ZMAT5: variants seen among roughly 807,000 people sequenced by gnomAD.
ZMAT5 encodes the protein zinc finger matrin-type protein 5.
Under a neutral mutation model 28.0 loss-of-function variants are expected in ZMAT5, and 23 were observed. That is an observed-to-expected ratio of 0.82 (90% CI 0.59 to 1.16). ZMAT5 has a LOEUF of 1.16. Ranked by LOEUF, ZMAT5 falls within the 50% of genes most tolerant of loss-of-function variation. The probability of loss-of-function intolerance (pLI) is 0.00; values close to 1 mark genes in which losing one functional copy is unlikely to be tolerated. For missense variants in ZMAT5, 173 were observed against 212.7 expected, an observed-to-expected ratio of 0.81 and a Z score of 1.16; for synonymous variants, 76 against 84.1, an observed-to-expected ratio of 0.90 and a Z score of 0.52.
chr22:29,733,834 G>C (rs9620921), intron 5 of ZMAT5, among the ~76,000 whole-genome samples: 1 of 152,198 alleles, frequency 6.6e-6, no homozygotes, highest in Non-Finnish European at 1.5e-5. Flanking sequence ...CTGAGGTCCC[G>C]CCAGTAGACA....
chr22:29,752,370 C>T (rs989708566), intron 1 of ZMAT5, among the ~76,000 whole-genome samples: 2 of 152,168 alleles, frequency 1.3e-5, no homozygotes, highest in Non-Finnish European at 2.9e-5. Flanking sequence ...TCCCCCCTCT[C>T]TCTCACCCCC....
chr22:29,759,211 G>A (rs190584988), intron 1 of ZMAT5, among the ~76,000 whole-genome samples: 2 of 152,162 alleles, frequency 1.3e-5, no homozygotes, highest in African/African-American at 4.8e-5. Flanking sequence ...AAAATAGTCT[G>A]AATGAGGCTC....
At chr22:29,740,513 G>C in intron 4 of ZMAT5, 137 bp downstream of exon 4, 1 of 868,152 alleles carries the variant, frequency 1.2e-6, no homozygotes, top group Non-Finnish European at 1.8e-6. Flanking sequence ...CGGGGGCTCA[G>C]GGCTCCGCAT....
chr22:29,732,112 C>A (rs1197364588), intron 5 of ZMAT5, among the ~76,000 whole-genome samples: 1 of 152,218 alleles, frequency 6.6e-6, no homozygotes, highest in Non-Finnish European at 1.5e-5. Context: ...CCAGCGATGG[C>A]CCCCCAACCA....
chr22:29,739,549 G>A (rs930565926), intron 4 of ZMAT5, among the ~76,000 whole-genome samples: 9 of 152,210 alleles, frequency 5.9e-5, no homozygotes, highest in African/African-American at 1.7e-4. Flanking sequence ...TACAGAGGAC[G>A]TGGCAGAGCT....
intron 5 of ZMAT5, among the ~76,000 whole-genome samples, chr22:29,734,153 G>A (rs2067881505): frequency 1.3e-5 from 2 of 152,240 alleles, no homozygotes; most frequent in African/African-American, 4.8e-5. Context: ...GGGCAGCAGG[G>A]CCAGGCCTGG....
chr22:29,748,555 A>G lies in ZMAT5; in HGVS notation c.-11T>C. 6.2e-7 allele frequency: 1 copy of G among 1,614,068 alleles called. No homozygotes were observed. The highest frequency in any genetic ancestry group is 8.5e-7 in the Non-Finnish European group (1 of 1,180,028). On this transcript the variant is annotated 5_prime_UTR_variant, in exon 2 of 6. Coordinates refer to ENST00000344318, the MANE Select transcript of ZMAT5 (RefSeq NM_001003692.2). ...GTATCGCTTCCCCATGGCCACTCAG[A>G]GCAGGTGCTTTGCTGCCTGGGAAGC...
intron 5 of ZMAT5, among the ~76,000 whole-genome samples, chr22:29,735,908 G>A (rs3788417): frequency 0.16 from 23,844 of 152,172 alleles, 2,350 homozygotes; most frequent in Non-Finnish European, 0.22. Flanking sequence ...AGGACTCTGG[G>A]GCACCCCATC....
intron 1 of ZMAT5, among the ~76,000 whole-genome samples, chr22:29,760,943 T>C (rs1256960251): frequency 2.6e-5 from 4 of 152,156 alleles, no homozygotes; most frequent in African/African-American, 9.7e-5. Context: ...AATGTTCCTA[T>C]CCTAAATTTA....
chr22:29,731,038 T>G lies in ZMAT5; in HGVS notation c.*187A>C. 4 of 494,800 alleles carry G rather than the reference T, an allele frequency of 8.1e-6. No individual in the cohort carries two copies. Among genetic ancestry groups the G allele is most frequent in the East Asian group, 3.2e-5 (1 of 30,938 alleles). 30.7% of individuals were successfully genotyped at this position (494,800 alleles called of 1,614,324 possible). On this transcript the variant is annotated 3_prime_UTR_variant, in exon 6 of 6. Coordinates refer to ENST00000344318, the MANE Select transcript of ZMAT5 (RefSeq NM_001003692.2). Reference sequence around the variant, plus strand: ...AAGCAGGGGGGCAGGTGGAGGAGAGTGAGGGGAGAGCTGCCCGGTGCAGAC... The same window carrying G: ...AAGCAGGGGGGCAGGTGGAGGAGAGGGAGGGGAGAGCTGCCCGGTGCAGAC...
intron 4 of ZMAT5, among the ~76,000 whole-genome samples, chr22:29,739,805 T>C (rs1215181516): frequency 6.6e-6 from 1 of 152,210 alleles, no homozygotes; most frequent in African/African-American, 2.4e-5. Context: ...CTGGAAACCC[T>C]GTGTTGGTCC....
chr22:29,760,630 C>A (rs947639593), intron 1 of ZMAT5, among the ~76,000 whole-genome samples: 3 of 152,278 alleles, frequency 2.0e-5, no homozygotes, highest in African/African-American at 7.2e-5. Flanking sequence ...TTTTAACTAG[C>A]AAGTCTAATA....
rs545562428 is a variant in ZMAT5 at position 29,759,213 on chromosome 22, A to G, written c.-28+7659T>C. On this transcript the variant is annotated intron_variant, in intron 1 of 5. Coordinates refer to ENST00000344318, the MANE Select transcript of ZMAT5 (RefSeq NM_001003692.2). The stretch of plus-strand genomic sequence containing the variant: ...AATAGGAAAGGTAAAAATAGTCTGA[A>G]TGAGGCTCCTGAACCAGATACTTGG... Among the ~76,000 whole-genome samples the G allele has an allele frequency of 3.9e-5, 6 of 152,286 alleles. No homozygotes were observed. In the South Asian group the frequency reaches 1.0e-3, roughly 26 times the overall value.
chr22:29,740,582 C>G, intron 4 of ZMAT5, 68 bp downstream of exon 4: 1 of 1,484,652 alleles, frequency 6.7e-7, no homozygotes, highest in Non-Finnish European at 9.2e-7. Context: ...AGGCCAGCTT[C>G]CCCGGTCTCA....
intron 5 of ZMAT5, among the ~76,000 whole-genome samples, chr22:29,732,106 C>T (rs961187585): frequency 2.0e-5 from 3 of 152,254 alleles, no homozygotes; most frequent in African/African-American, 4.8e-5. Context: ...CAAGGCCCAG[C>T]GATGGCCCCC....
At position 29,738,395 on chromosome 22, in the gene ZMAT5, G is replaced by C; in HGVS notation, c.318C>G (p.Pro106=). 1.2e-6 allele frequency: 2 copies of C among 1,610,762 alleles called. No individual in the cohort carries two copies. Among genetic ancestry groups the C allele is most frequent in the Non-Finnish European group, 1.7e-6 (2 of 1,179,816 alleles). The change falls in exon 5 of 6, where the codon CCC becomes CCG. Residue 106 remains proline, a synonymous_variant. Transcript: ENST00000344318. ...REWLLDAPEL[P]EGHLEDWLEK... ...CCAGCCAGTCCTCCAGATGGCCCTC[G>C]GGGAGCTCAGGAGCATCTAGTAGCC...
At chr22:29,739,023 AAG>A (rs201517598) in intron 4 of ZMAT5, among the ~76,000 whole-genome samples, 1 of 150,518 alleles carries the variant, frequency 6.6e-6, no homozygotes, top group South Asian at 2.1e-4. Context: ...AAAAAAAAAA[AAG>A]AGAGAGAGAG....
chr22:29,755,825 G>C (rs1027868910), intron 1 of ZMAT5, among the ~76,000 whole-genome samples: 1 of 152,176 alleles, frequency 6.6e-6, no homozygotes, highest in Admixed American at 6.5e-5. Flanking sequence ...ATCCCCTCCT[G>C]TGGAGTCTTC....
At chr22:29,753,652 G>C (rs773366236) in intron 1 of ZMAT5, among the ~76,000 whole-genome samples, 38 of 152,190 alleles carry the variant, frequency 2.5e-4, no homozygotes, top group Non-Finnish European at 5.0e-4. Context: ...TCGAACCACT[G>C]CTCTCCAGCC....
Sources: allele counts gnomAD v4.1 joint callset (sites outside exome capture counted in the v4.1 genomes callset), GRCh38; gene constraint gnomAD v4.1.1; transcripts MANE v1.5; gene names NCBI Gene and HGNC (gene_info 2026-07-23, HGNC 2026-07-21).